Variants in SERINC5 observed in about 807,000 individuals in gnomAD.
SERINC5 encodes the protein serine incorporator 5, also known as chromosome 5 open reading frame 12.
SERINC5 carries 41 observed loss-of-function variants against 63.1 expected under a neutral mutation model. The ratio of observed to expected loss-of-function variants is 0.65; its 90% CI spans 0.51 to 0.84. SERINC5 has a LOEUF of 0.84. Among genes scored for constraint, SERINC5 ranks in the 40% least tolerant of loss-of-function variants. The pLI is 0.00. For missense variants in SERINC5, 523 were observed against 573.0 expected (o/e 0.91, Z 0.89); for synonymous variants, 222 against 215.2 (o/e 1.03, Z -0.28).
intron 1 of SERINC5, among the ~76,000 whole-genome samples, chr5:80,244,183 C>T (rs1459586888): frequency 6.6e-6 from 1 of 151,784 alleles, no homozygotes. Flanking sequence ...CTACCTTCTG[C>T]TGCCTGGAAA....
At chr5:80,205,293 A>T (rs1374009561) in intron 1 of SERINC5, among the ~76,000 whole-genome samples, 3 of 152,126 alleles carry the variant, frequency 2.0e-5, no homozygotes, top group African/African-American at 4.8e-5. Context: ...TGTTCATATT[A>T]ATCCTTACTT....
intron 1 of SERINC5, among the ~76,000 whole-genome samples, chr5:80,245,465 C>T (rs1269352521): frequency 2.0e-5 from 3 of 152,298 alleles, no homozygotes; most frequent in Non-Finnish European, 1.5e-5. Flanking sequence ...AACCCTCAAT[C>T]CAGTCTGTGA....
At chr5:80,201,581 T>C (rs1325497068) in intron 2 of SERINC5, among the ~76,000 whole-genome samples, 1 of 152,232 alleles carries the variant, frequency 6.6e-6, no homozygotes, top group Non-Finnish European at 1.5e-5. Flanking sequence ...GACATCTTAG[T>C]CTTTTTTGTC....
rs183060418 is a variant in SERINC5 at position 80,146,176 on chromosome 5, T to C, written c.1152A>G (p.Lys384=). The part of the protein sequence containing the change: ...EGPRVIYDEK[K]GTVYIYSYFH... ...AGTAGGAGTAGATGTAGACGGTGCC[T>C]TTCTTCTCGTCATAAATGACCCGTG... The change falls in exon 11 of 12, where the codon AAA becomes AAG. Residue 384 remains lysine, a synonymous_variant. Coordinates refer to ENST00000507668, the MANE Select transcript of SERINC5 (RefSeq NM_001174072.3). 36 of 1,613,986 alleles carry C rather than the reference T, an allele frequency of 2.2e-5. No homozygotes were observed. In the East Asian group the frequency reaches 7.8e-4, roughly 35 times the overall value.
At chr5:80,193,803 A>G (rs1017223403) in intron 2 of SERINC5, among the ~76,000 whole-genome samples, 2 of 152,248 alleles carry the variant, frequency 1.3e-5, no homozygotes, top group African/African-American at 4.8e-5. Flanking sequence ...CAGCTGAGGC[A>G]TAGGAGGGTA....
At chr5:80,112,759 C>T (rs1033124328) in intron 12 of SERINC5, among the ~76,000 whole-genome samples, 2 of 151,924 alleles carry the variant, frequency 1.3e-5, no homozygotes, top group African/African-American at 4.8e-5. Flanking sequence ...CCAGCCTGGG[C>T]AACATAATGA....
chr5:80,207,675 A>G (rs1160343460), intron 1 of SERINC5, among the ~76,000 whole-genome samples: 1 of 152,246 alleles, frequency 6.6e-6, no homozygotes, highest in Middle Eastern at 3.2e-3. Context: ...AAATATACAT[A>G]TGTACATATA....
At position 80,195,757 on chromosome 5, in the gene SERINC5, A is replaced by C. The variant is rs1418305147; in HGVS notation, c.195+7129T>G. On this transcript the variant is annotated intron_variant, in intron 2 of 11. Transcript: ENST00000507668. ...CAGAAGTATTTTAACATGTCACTGT[A>C]AACAGACTAAAAGATGTGCTTATGA... 2.6e-5 allele frequency among the ~76,000 whole-genome samples: 4 copies of C among 152,356 alleles called. No individual in the cohort carries two copies. In the East Asian group the frequency reaches 7.7e-4, roughly 29 times the overall value.
Position 80,140,513 on chromosome 5 carries a change from C to CCCCT in SERINC5, c.*3149_*3150insAGGG, listed in dbSNP as rs1401166342. On this transcript the variant is annotated 3_prime_UTR_variant, in exon 12 of 12. Transcript: ENST00000507668. ...CCACTCTATCTCCCCTTCAAAGAGG[C>CCCCT]TCCAAATACCTCTGGCAAATAATTT... 3 of 982,152 alleles carry CCCCT rather than the reference C, an allele frequency of 3.1e-6. No homozygotes were observed. The highest frequency in any genetic ancestry group is 1.8e-5 in the African/African-American group (1 of 56,680). The allele number at this position is 982,152 out of a possible 1,614,324, so 60.8% of individuals were successfully genotyped here.
chr5:80,231,874 G>A (rs1343179046), intron 1 of SERINC5, among the ~76,000 whole-genome samples: 1 of 152,062 alleles, frequency 6.6e-6, no homozygotes, highest in Non-Finnish European at 1.5e-5. Flanking sequence ...GCCAAGAAGG[G>A]AGGATTACCT....
intron 2 of SERINC5, 59 bp from the exon 3 acceptor site, chr5:80,178,123 G>C: frequency 8.3e-7 from 1 of 1,205,278 alleles, no homozygotes; most frequent in South Asian, 1.6e-5. Context: ...GGACTGTCAC[G>C]GAGTGTTCAT....
chr5:80,156,132 T>C (rs76136784), intron 8 of SERINC5, among the ~76,000 whole-genome samples: 11,565 of 152,140 alleles, frequency 0.076, 487 homozygotes, highest in East Asian at 0.13. Flanking sequence ...ATCTTGGCCT[T>C]CTTCTCCTTT....
intron 1 of SERINC5, among the ~76,000 whole-genome samples, chr5:80,229,641 G>GA (rs34079930): frequency 0.53 from 80,333 of 151,846 alleles, 22,458 homozygotes; most frequent in African/African-American, 0.72. Context: ...AAAAGAAAAG[G>GA]AAAAAACAAA....
chr5:80,196,871 CG>C (rs896923029), intron 2 of SERINC5, among the ~76,000 whole-genome samples: 2 of 148,884 alleles, frequency 1.3e-5, no homozygotes, highest in African/African-American at 5.0e-5. Context: ...ACCTGGGAGG[CG>C]GGGGTTGCTG....
At chr5:80,173,512 C>T (rs1235224368) in intron 5 of SERINC5, among the ~76,000 whole-genome samples, 3 of 152,184 alleles carry the variant, frequency 2.0e-5, no homozygotes, top group African/African-American at 7.2e-5. Context: ...AGGAAAATGG[C>T]ACGAACCCGG....
At chr5:80,166,858 G>A (rs1262198909) in intron 6 of SERINC5, 1 of 199,982 alleles carries the variant, frequency 5.0e-6, no homozygotes, top group Admixed American at 5.3e-5. Context: ...GCTTAATTGG[G>A]GAGGGGAGTA....
Position 80,132,560 on chromosome 5 carries a change from C to A in SERINC5, c.1238+13530G>T, listed in dbSNP as rs1407826745. On this transcript the variant is annotated intron_variant, in intron 11 of 12. Transcript: ENST00000509193. ...CCCAGGTTGCAATCCTCAAATTTGG[C>A]CCAAATAAACTCTTTACCTATATGC... is the stretch of plus-strand genomic sequence containing the variant. Among the ~76,000 whole-genome samples, 3 of 152,058 alleles carry A rather than the reference C, an allele frequency of 2.0e-5. No individual in the cohort carries two copies. In the East Asian group the frequency reaches 5.8e-4, roughly 29 times the overall value.
At chr5:80,127,401 G>A (rs956406617) in intron 11 of SERINC5, among the ~76,000 whole-genome samples, 1 of 152,178 alleles carries the variant, frequency 6.6e-6, no homozygotes, top group African/African-American at 2.4e-5. Context: ...CAGACTGCTG[G>A]TCCCAGGATG....
intron 7 of SERINC5, 88 bp downstream of exon 7, chr5:80,166,295 G>T: frequency 1.1e-6 from 1 of 928,462 alleles, no homozygotes; most frequent in Non-Finnish European, 1.7e-6. Context: ...TATCTCCAAG[G>T]CCTCTCCAAT....
Sources: gnomAD v4.1 joint callset for allele counts (sites outside exome capture counted in the v4.1 genomes callset) on GRCh38, gnomAD v4.1.1 for gene constraint, MANE v1.5 for transcripts, NCBI Gene and HGNC (gene_info 2026-07-23, HGNC 2026-07-21) for gene names.